Variants in NEK10 observed in about 807,000 individuals in gnomAD.
NEK10 encodes serine/threonine-protein kinase Nek10.
In NEK10, 122 loss-of-function variants were observed where a neutral mutation model predicts 159.8. The observed-to-expected ratio is 0.76, with a 90% CI of 0.66 to 0.89. The LOEUF (loss-of-function observed/expected upper bound fraction) is 0.89. NEK10 is among the 40% of genes least tolerant of loss of function. The pLI is 0.00. For synonymous variants in NEK10, 466 were observed against 457.1 expected (o/e 1.02, Z -0.25); for missense variants, 1,342 against 1,323.1 (o/e 1.01, Z -0.22).
intron 5 of NEK10, among the ~76,000 whole-genome samples, chr3:27,328,872 T>C (rs1223640896): frequency 6.6e-6 from 1 of 152,190 alleles, no homozygotes; most frequent in Non-Finnish European, 1.5e-5. Context: ...TTCTCACACA[T>C]TGAGTGAGAA....
intron 26 of NEK10, among the ~76,000 whole-genome samples, chr3:27,176,222 A>G (rs1413179322): frequency 6.6e-6 from 1 of 152,178 alleles, no homozygotes; most frequent in African/African-American, 2.4e-5. Flanking sequence ...GATTCTTTTC[A>G]GTGATTCTTC....
chr3:27,232,737 A>G (rs1686012687), intron 23 of NEK10, among the ~76,000 whole-genome samples: 1 of 152,118 alleles, frequency 6.6e-6, no homozygotes, highest in African/African-American at 2.4e-5. Context: ...AACAGAATAG[A>G]GAACCAAGAA....
intron 5 of NEK10, among the ~76,000 whole-genome samples, chr3:27,331,554 C>G (rs1387730673): frequency 1.3e-5 from 2 of 152,170 alleles, no homozygotes; most frequent in Non-Finnish European, 2.9e-5. Context: ...ACTTCTGGTC[C>G]TCTCATCTAA....
intron 22 of NEK10, among the ~76,000 whole-genome samples, chr3:27,258,218 T>G (rs1236191672): frequency 6.6e-6 from 1 of 152,128 alleles, no homozygotes; most frequent in East Asian, 1.9e-4. Flanking sequence ...CATGTATGTA[T>G]TATATATATT....
chr3:27,307,968 A>G (rs1332958971), intron 10 of NEK10, 23 bp from the exon 11 acceptor site: 1 of 1,133,708 alleles, frequency 8.8e-7, no homozygotes, highest in Admixed American at 1.7e-5. Context: ...AAATATTAGC[A>G]ATTACTAAAA....
chr3:27,120,951 CT>C (rs1478277590), intron 32 of NEK10, among the ~76,000 whole-genome samples: 1 of 152,122 alleles, frequency 6.6e-6, no homozygotes, highest in African/African-American at 2.4e-5. Context: ...TAGTAGTTAG[CT>C]TGTATTCATA....
Position 27,131,929 on chromosome 3 carries a change from A to T in NEK10, c.3032T>A (p.Leu1011His). 1 of 1,609,062 alleles carries T rather than the reference A, an allele frequency of 6.2e-7. No homozygotes were observed. Among genetic ancestry groups the T allele is most frequent in the Non-Finnish European group, 8.5e-7 (1 of 1,176,568 alleles). The change falls in exon 32 of 36, where the codon CTC becomes CAC. Residue 1011 changes from leucine (L) to histidine (H), a missense_variant. Physicochemically the swap from Leu to His is moderately conservative, Grantham distance 99. Transcript: ENST00000691995. ...RRVIERFKKS[L>H]FSQQSNPCNL... is the part of the protein sequence containing the mutation. ...ACAAGGGTTACTCTGCTGGCTGAAG[A>T]GGGATTTCTTGAATCTCTCTATAAC...
At position 27,139,963 on chromosome 3, in the gene NEK10, C is replaced by T. The variant is rs186120850; in HGVS notation, c.2970+1519G>A. Reference sequence around the variant, plus strand: ...TTTGGAGGCCAGGTATGACACCGAACGATACATGATTTCAATGTATCCAGT... The same window carrying T: ...TTTGGAGGCCAGGTATGACACCGAATGATACATGATTTCAATGTATCCAGT... On this transcript the variant is annotated intron_variant, in intron 31 of 35. Transcript: ENST00000691995. Among the ~76,000 whole-genome samples the T allele has an allele frequency of 3.9e-5, 6 of 152,272 alleles. No individual in the cohort carries two copies. The East Asian group carries it at 5.8e-4, about 15-fold the overall frequency.
intron 13 of NEK10, among the ~76,000 whole-genome samples, chr3:27,300,525 C>A (rs546830131): frequency 1.3e-5 from 2 of 152,292 alleles, no homozygotes; most frequent in South Asian, 2.1e-4. Flanking sequence ...GTAAACACAT[C>A]TTAAGTGTAA....
chr3:27,118,972 TC>T (rs1940894072), intron 33 of NEK10, among the ~76,000 whole-genome samples: 1 of 152,194 alleles, frequency 6.6e-6, no homozygotes, highest in Admixed American at 6.6e-5. Flanking sequence ...AATCTTCACT[TC>T]TATCCACTCC....
chr3:27,298,369 A>G (rs2043533538), intron 13 of NEK10, among the ~76,000 whole-genome samples: 1 of 152,150 alleles, frequency 6.6e-6, no homozygotes, highest in Admixed American at 6.5e-5. Flanking sequence ...CATCCACTTA[A>G]GATATGACTT....
chr3:27,114,348 A>T (rs1191204915), intron 35 of NEK10, among the ~76,000 whole-genome samples: 1 of 152,138 alleles, frequency 6.6e-6, no homozygotes, highest in Admixed American at 6.6e-5. Context: ...TGGTGGGAGG[A>T]GAGTAGTTGT....
chr3:27,298,383 C>T (rs2043534574), intron 13 of NEK10, among the ~76,000 whole-genome samples: 2 of 152,148 alleles, frequency 1.3e-5, no homozygotes, highest in South Asian at 4.1e-4. Flanking sequence ...ATGACTTGCT[C>T]CTCCTTGCCT....
chr3:27,216,936 T>C (rs1237217709), intron 23 of NEK10, among the ~76,000 whole-genome samples: 1 of 152,214 alleles, frequency 6.6e-6, no homozygotes, highest in African/African-American at 2.4e-5. Flanking sequence ...ACTATAATTG[T>C]ACAAGCTGTA....
At chr3:27,304,605 G>C in intron 12 of NEK10, 142 bp downstream of exon 12, 1 of 636,702 alleles carries the variant, frequency 1.6e-6, no homozygotes, top group Non-Finnish European at 2.9e-6. Context: ...GACAAGTCTA[G>C]ATGACTTTGG....
At chr3:27,148,872 A>G (rs142836850) in intron 30 of NEK10, among the ~76,000 whole-genome samples, 1 of 152,038 alleles carries the variant, frequency 6.6e-6, no homozygotes, top group African/African-American at 2.4e-5. Flanking sequence ...TTAGGCTTGA[A>G]TTGGAACCAC....
At chr3:27,266,437 CCCTT>C (rs1335734725) in intron 22 of NEK10, among the ~76,000 whole-genome samples, 1 of 152,068 alleles carries the variant, frequency 6.6e-6, no homozygotes, top group Non-Finnish European at 1.5e-5. Flanking sequence ...TGGAAATAGT[CCCTT>C]CCTCTCTCCG....
At position 27,108,778 on chromosome 3, in the gene NEK10, G is replaced by C. The variant is rs1575323199; in HGVS notation, c.*2494C>G. Reference sequence around the variant, plus strand: ...TGATCATTCTTGGTCATGAGGGGAGGTGCTCCATATTTGTGTTAGAAAGGC... The same window carrying C: ...TGATCATTCTTGGTCATGAGGGGAGCTGCTCCATATTTGTGTTAGAAAGGC... On this transcript the variant is annotated 3_prime_UTR_variant, in exon 36 of 36. Transcript: ENST00000691995. Among the ~76,000 whole-genome samples the C allele has an allele frequency of 6.6e-6, 1 of 152,092 alleles. No homozygotes were observed. The highest frequency in any genetic ancestry group is 2.1e-4 in the South Asian group (1 of 4,816).
chr3:27,183,896 T>C (rs1948372471), intron 26 of NEK10, among the ~76,000 whole-genome samples: 1 of 152,122 alleles, frequency 6.6e-6, no homozygotes, highest in South Asian at 2.1e-4. Flanking sequence ...AGAAGTATCA[T>C]TACACCTCAA....
Sources: allele counts gnomAD v4.1 joint callset (sites outside exome capture counted in the v4.1 genomes callset), GRCh38; gene constraint gnomAD v4.1.1; transcripts MANE v1.5; gene names NCBI Gene and HGNC (gene_info 2026-07-23, HGNC 2026-07-21).